PEG3: variants seen among roughly 807,000 people sequenced by gnomAD.
PEG3 encodes the protein paternally-expressed gene 3 protein.
Under a neutral mutation model 35.5 loss-of-function variants are expected in PEG3, and 23 were observed. The ratio of observed to expected loss-of-function variants is 0.65; its 90% CI spans 0.47 to 0.92. PEG3 has a LOEUF of 0.92. Ranked by LOEUF, PEG3 falls within the 40% of genes least tolerant of loss-of-function variation. The pLI, the probability that PEG3 is intolerant of heterozygous loss-of-function variation, is 0.00. For synonymous variants in PEG3, 707 were observed against 697.0 expected, an observed-to-expected ratio of 1.01 and a Z score of -0.23; for missense variants, 1,960 against 1,985.3, an observed-to-expected ratio of 0.99 and a Z score of 0.24.
At position 56,817,378 on chromosome 19, in the gene PEG3, T is replaced by A; in HGVS notation, c.1064A>T (p.Asn355Ile). The change falls in exon 10 of 10, where the codon AAC (asparagine) becomes ATC (isoleucine). Residue 355 changes from asparagine (N) to isoleucine (I), a missense_variant. Physicochemically the swap from Asn to Ile is moderately radical, Grantham distance 149. Coordinates refer to ENST00000326441, the MANE Select transcript of PEG3 (RefSeq NM_006210.3). ...CTGCTGGATCACTGACTCCCTCTTG[T>A]TCAATGAAATGTCCTTCCAGTTATC... ...SDDNWKDISL[N>I]KRESVIQQRV... The A allele has an allele frequency of 6.2e-7, 1 of 1,614,088 alleles. No individual in the cohort carries two copies. The highest frequency in any genetic ancestry group is 8.5e-7 in the Non-Finnish European group (1 of 1,179,934).
At chr19:56,822,666 C>T in intron 6 of PEG3, 87 bp downstream of exon 6, 1 of 1,540,614 alleles carries the variant, frequency 6.5e-7, no homozygotes, top group East Asian at 2.4e-5. Flanking sequence ...GCAGCAGAAA[C>T]TTCGAGGCCC....
chr19:56,818,527 G>A, intron 8 of PEG3, 73 bp downstream of exon 8: 1 of 1,527,496 alleles, frequency 6.5e-7, no homozygotes, highest in Non-Finnish European at 9.1e-7. Flanking sequence ...CTAACATCCA[G>A]CTTAAAAAGG....
Position 56,816,665 on chromosome 19 carries a change from CATT to C in PEG3, c.1774_1776del (p.Asn592del). The C allele has an allele frequency of 1.2e-6, 2 of 1,614,052 alleles. No homozygotes were observed. The highest frequency in any genetic ancestry group is 1.7e-6 in the Non-Finnish European group (2 of 1,179,942). On this transcript the variant is annotated inframe_deletion, in exon 10 of 10. Coordinates refer to ENST00000326441, the MANE Select transcript of PEG3 (RefSeq NM_006210.3). The stretch of plus-strand genomic sequence containing the variant: ...TCACGTTCACGTTCATGTTCACGCT[CATT>C]ATCTTTGTCATCCCCAAAGTGGATT...
At chr19:56,824,824 C>T in intron 3 of PEG3, 83 bp from the exon 4 acceptor site, 1 of 632,348 alleles carries the variant, frequency 1.6e-6, no homozygotes, top group South Asian at 2.1e-5. Flanking sequence ...GAGGCATCGA[C>T]AATGCTTTTG....
At chr19:56,839,269 A>G (rs2062650522) in intron 1 of PEG3, among the ~76,000 whole-genome samples, 1 of 150,604 alleles carries the variant, frequency 6.6e-6, no homozygotes, top group Non-Finnish European at 1.5e-5. Context: ...CCCATCAAAC[A>G]TGGCATCTAG....
intron 2 of PEG3, among the ~76,000 whole-genome samples, chr19:56,834,953 A>G (rs755431567): frequency 6.6e-6 from 1 of 152,164 alleles, no homozygotes; most frequent in Non-Finnish European, 1.5e-5. Flanking sequence ...ACAAATGAAC[A>G]AACAGACAAC....
In PEG3 at chr19:56,816,518, G is replaced by A. The variant is rs375564354; in HGVS notation, c.1924C>T (p.Leu642=). 43 of 1,613,254 alleles carry A rather than the reference G, an allele frequency of 2.7e-5. No homozygotes were observed. In the African/African-American group the frequency reaches 5.1e-4, roughly 19 times the overall value. The change falls in exon 10 of 10, where the codon CTG becomes TTG. Residue 642 remains leucine (L), a synonymous_variant. Transcript: ENST00000326441. ...CGETFLHSSS[L]KEHQKIHTRG... ...GTATGGATTTTCTGATGTTCTTTCA[G>A]GGATGAGCTATGAAGGAAAGTCTCC...
At chr19:56,839,012 G>A (rs145753491) in intron 1 of PEG3, among the ~76,000 whole-genome samples, 2,107 of 148,942 alleles carry the variant, frequency 0.014, 20 homozygotes, top group Non-Finnish European at 0.023. Context: ...TCCGGGCAAC[G>A]CCTGCGCGGC....
rs2060017302 is a variant in PEG3, at chr19:56,816,743, C to A, written c.1699G>T (p.Val567Leu). ...CTATGAAGGAAGGTTTCCTTACACACCCTGCACTCGTAGAATTTGTCTTTG... is the reference window on the plus strand; with the variant it reads ...CTATGAAGGAAGGTTTCCTTACACAACCTGCACTCGTAGAATTTGTCTTTG... ...YGKDKFYECR[V>L]CKETFLHSSA... The change falls in exon 10 of 10, where the codon GTG becomes TTG. Residue 567 changes from valine (V) to leucine (L), a missense_variant. Around this residue, in one of 5 missense-constraint regions of PEG3, gnomAD observed 798 missense variants for 782.4 expected, o/e 1.02. Transcript: ENST00000326441. 1.9e-6 allele frequency: 3 copies of A among 1,614,118 alleles called. No individual in the cohort carries two copies. The highest frequency in any genetic ancestry group is 2.7e-5 in the African/African-American group (2 of 75,028).
rs745903670 is a variant in PEG3, at chr19:56,810,488, T to C, written c.*3187A>G. The C allele has an allele frequency of 6.6e-5, 65 of 985,114 alleles. No homozygotes were observed. The highest frequency in any genetic ancestry group is 7.1e-5 in the Non-Finnish European group (59 of 829,722). 61.0% of individuals were successfully genotyped at this position (985,114 alleles called of 1,614,324 possible). A position where few individuals can be genotyped will look rare whatever the true frequency, so the allele number is the denominator to read the frequency against. Reference sequence around the variant, plus strand: ...TCACAGACTAGTGCACAGATCAAGATGTTAACAGTTAATTGTTGTTGGGTG... The same window carrying C: ...TCACAGACTAGTGCACAGATCAAGACGTTAACAGTTAATTGTTGTTGGGTG... On this transcript the variant is annotated 3_prime_UTR_variant, in exon 10 of 10. Coordinates refer to ENST00000326441, the MANE Select transcript of PEG3 (RefSeq NM_006210.3).
chr19:56,824,372 AG>A lies in PEG3; in HGVS notation c.283del (p.Leu95Ter). ...IIELLVLEQYLTIIPEKLKPW... is the reference protein window; with the variant it reads ...IIELLVLEQYXTIIPEKLKPW... ...CTTGAGCTTTTCAGGGATGATGGTC[AG>A]GTACTGCTCAAGGACCAAGAGCTCG... On this transcript the variant is annotated frameshift_variant, in exon 4 of 10. Transcript: ENST00000326441. LOFTEE classifies it high-confidence loss of function. 6.2e-7 allele frequency: 1 copy of A among 1,614,156 alleles called. No homozygotes were observed. Among genetic ancestry groups the A allele is most frequent in the Non-Finnish European group, 8.5e-7 (1 of 1,180,032 alleles).
Position 56,817,269 on chromosome 19 carries a change from C to A in PEG3, c.1173G>T (p.Lys391Asn). 1 of 1,614,168 alleles carries A rather than the reference C, an allele frequency of 6.2e-7. No homozygotes were observed. The highest frequency in any genetic ancestry group is 8.5e-7 in the Non-Finnish European group (1 of 1,180,020). Reference protein sequence around the residue: ...LVSRKRVLERKRRYHFDTDGK... With the variant: ...LVSRKRVLERNRRYHFDTDGK... Reference sequence around the variant, plus strand: ...CATCTGTGTCAAAATGATAGCGCCTCTTTCTTTCAAGAACTCTCTTTCTGG... The same window carrying A: ...CATCTGTGTCAAAATGATAGCGCCTATTTCTTTCAAGAACTCTCTTTCTGG... The change falls in exon 10 of 10, where the codon AAG becomes AAT. Residue 391 changes from lysine (K) to asparagine (N), a missense_variant. Transcript: ENST00000326441.
At position 56,823,690 on chromosome 19, in the gene PEG3, A is replaced by G. The variant is rs1239099806; in HGVS notation, c.395-11T>C. On this transcript the variant is annotated splice_polypyrimidine_tract_variant and intron_variant, in intron 4 of 9. Coordinates refer to ENST00000326441, the MANE Select transcript of PEG3 (RefSeq NM_006210.3). ...CACTGTTGTTGTCGTCTAAGAGGAC[A>G]CCGGTCGCCAAGTTACTATCTCTGG... 1 of 1,614,130 alleles carries G rather than the reference A, an allele frequency of 6.2e-7. No homozygotes were observed. The highest frequency in any genetic ancestry group is 1.7e-5 in the Admixed American group (1 of 60,020).
rs936134530 is a variant in PEG3 at position 56,816,862 on chromosome 19, T to C, written c.1580A>G (p.His527Arg). Residue 527 changes from histidine to arginine, a missense_variant, in exon 10 of 10, where the codon CAT (histidine) becomes CGT (arginine). His to Arg is a conservative substitution (Grantham distance 29). This residue lies in a region of PEG3 where 798 missense variants were observed against 782.4 expected (regional missense o/e 1.02). Transcript: ENST00000326441. The stretch of plus-strand genomic sequence containing the variant: ...ACATTCCACAAGATAACCTCTAGCA[T>C]GAATCTTCCGATGTTCAGCCAAGGC... Reference protein sequence around the residue: ...SAALAEHRKIHARGYLVECKN... With the variant: ...SAALAEHRKIRARGYLVECKN... The C allele has an allele frequency of 1.2e-6, 2 of 1,614,164 alleles. No individual in the cohort carries two copies.
intron 1 of PEG3, among the ~76,000 whole-genome samples, chr19:56,837,819 T>C (rs1179199035): frequency 6.6e-6 from 1 of 152,088 alleles, no homozygotes; most frequent in African/African-American, 2.4e-5. Context: ...GCAGTACACC[T>C]CTGCTGCCCC....
chr19:56,821,109 A>C (rs1457016765), intron 7 of PEG3, among the ~76,000 whole-genome samples: 1 of 152,236 alleles, frequency 6.6e-6, no homozygotes, highest in East Asian at 1.9e-4. Context: ...TGTGCCAGGT[A>C]CTTTATGTAT....
At chr19:56,821,281 T>C (rs116406221) in intron 7 of PEG3, among the ~76,000 whole-genome samples, 1 of 152,180 alleles carries the variant, frequency 6.6e-6, no homozygotes, top group Non-Finnish European at 1.5e-5. Context: ...TCCAGAGCCT[T>C]TGTGCTCCCT....
intron 2 of PEG3, among the ~76,000 whole-genome samples, chr19:56,830,044 C>T (rs762938823): frequency 2.8e-4 from 42 of 152,128 alleles, no homozygotes; most frequent in Admixed American, 9.8e-4. Flanking sequence ...ATGGCCTAAA[C>T]GGGCCATCAA....
chr19:56,823,876 T>G (rs963337006), intron 4 of PEG3, among the ~76,000 whole-genome samples, 197 bp from the exon 5 acceptor site: 1 of 152,126 alleles, frequency 6.6e-6, no homozygotes, highest in Non-Finnish European at 1.5e-5. Flanking sequence ...GGGAGCATGG[T>G]GGCTGTGACC....
Sources: gnomAD v4.1 joint callset for allele counts (sites outside exome capture counted in the v4.1 genomes callset) on GRCh38, gnomAD v4.1.1 for gene constraint, gnomAD v4.1.1 regional missense constraint, MANE v1.5 for transcripts, NCBI Gene and HGNC (gene_info 2026-07-23, HGNC 2026-07-21) for gene names.